Variants in CTNNA3 observed in about 807,000 individuals in gnomAD.
CTNNA3 encodes catenin alpha-3.
In CTNNA3, 76 loss-of-function variants were observed where a neutral mutation model predicts 95.7. The observed-to-expected ratio is 0.79, with a 90% CI of 0.66 to 0.96. CTNNA3 has a LOEUF of 0.96. Among genes scored for constraint, CTNNA3 ranks in the 40% least tolerant of loss-of-function variants. The pLI is 0.00. For synonymous variants in CTNNA3, 431 were observed against 374.4 expected (o/e 1.15, Z -1.74); for missense variants, 1,191 against 1,089.8 (o/e 1.09, Z -1.31).
chr10:67,442,093 G>C (rs1350040006), intron 5 of CTNNA3, among the ~76,000 whole-genome samples: 1 of 152,078 alleles, frequency 6.6e-6, no homozygotes, highest in Non-Finnish European at 1.5e-5. Context: ...AAAGTGTAGA[G>C]TTTTTATTAG....
intron 10 of CTNNA3, among the ~76,000 whole-genome samples, chr10:66,577,431 G>GT: frequency 6.6e-6 from 1 of 152,112 alleles, no homozygotes; most frequent in Non-Finnish European, 1.5e-5. Context: ...TATTTCCTAA[G>GT]TTTTCTTCTA....
At chr10:66,290,684 T>G (rs2091666503) in intron 12 of CTNNA3, among the ~76,000 whole-genome samples, 1 of 152,092 alleles carries the variant, frequency 6.6e-6, no homozygotes, top group Non-Finnish European at 1.5e-5. Flanking sequence ...GAGTTTTGAT[T>G]TGCACCTACC....
chr10:66,214,279 C>T (rs1293939281), intron 13 of CTNNA3, among the ~76,000 whole-genome samples: 1 of 152,162 alleles, frequency 6.6e-6, no homozygotes. Context: ...GCTTTTCCTT[C>T]ATACAAAATA....
At chr10:67,351,210 G>A (rs1331265603) in intron 5 of CTNNA3, among the ~76,000 whole-genome samples, 3 of 151,852 alleles carry the variant, frequency 2.0e-5, no homozygotes, top group Non-Finnish European at 4.4e-5. Flanking sequence ...GTATGGGGAA[G>A]ATTTGACTTC....
chr10:67,588,019 A>G (rs1842686775), intron 3 of CTNNA3, among the ~76,000 whole-genome samples: 1 of 151,878 alleles, frequency 6.6e-6, no homozygotes, highest in Admixed American at 6.6e-5. Context: ...TACATTTTCT[A>G]TTTCCATCAA....
At chr10:66,935,309 AAC>A (rs1746990733) in intron 7 of CTNNA3, among the ~76,000 whole-genome samples, 1 of 152,142 alleles carries the variant, frequency 6.6e-6, no homozygotes, top group African/African-American at 2.4e-5. Flanking sequence ...TCTAAGGTAC[AAC>A]AGTGAAAATA....
At chr10:65,982,629 G>A (rs1274320000) in intron 16 of CTNNA3, among the ~76,000 whole-genome samples, 3 of 150,496 alleles carry the variant, frequency 2.0e-5, no homozygotes, top group Non-Finnish European at 4.5e-5. Flanking sequence ...GAATGATAAA[G>A]AAAATGTTAT....
chr10:67,595,445 T>C (rs1402291032), intron 3 of CTNNA3, among the ~76,000 whole-genome samples: 1 of 152,238 alleles, frequency 6.6e-6, no homozygotes, highest in Non-Finnish European at 1.5e-5. Flanking sequence ...TGTATGGTTT[T>C]GAGAGACCAT....
intron 11 of CTNNA3, among the ~76,000 whole-genome samples, chr10:66,417,462 C>G (rs1302657043): frequency 6.6e-6 from 1 of 152,010 alleles, no homozygotes; most frequent in Non-Finnish European, 1.5e-5. Context: ...CAGCACTAGA[C>G]AGATCGTCTA....
rs1281150143 is a variant in CTNNA3 at position 67,268,491 on chromosome 10, G to C, written c.580-48621C>G. Among the ~76,000 whole-genome samples the C allele has an allele frequency of 2.6e-5, 4 of 152,024 alleles. No homozygotes were observed. The East Asian group carries it at 5.8e-4, about 22-fold the overall frequency. On this transcript the variant is annotated intron_variant, in intron 5 of 17. Transcript: ENST00000433211. ...AGCTATGATCACACCACTTCACTGG[G>C]CAACAAAGGGAGACCCAGCCTCTGA...
intron 13 of CTNNA3, 106 bp from the exon 14 acceptor site, chr10:66,103,355 A>G: frequency 1.2e-6 from 1 of 819,792 alleles, no homozygotes; most frequent in Non-Finnish European, 2.0e-6. Flanking sequence ...TTACCATATG[A>G]CCCAGCAATT....
intron 13 of CTNNA3, among the ~76,000 whole-genome samples, chr10:66,121,740 CT>C (rs2082587418): frequency 6.6e-6 from 1 of 152,036 alleles, no homozygotes; most frequent in Non-Finnish European, 1.5e-5. Flanking sequence ...ACTTGTGAGG[CT>C]GAGTTGGATA....
intron 5 of CTNNA3, among the ~76,000 whole-genome samples, chr10:67,357,103 T>A (rs1842838269): frequency 6.6e-6 from 1 of 152,050 alleles, no homozygotes; most frequent in Admixed American, 6.6e-5. Flanking sequence ...CACCACCATA[T>A]CTAGCAGCCT....
At chr10:66,891,716 A>G (rs1444504118) in intron 7 of CTNNA3, among the ~76,000 whole-genome samples, 1 of 152,188 alleles carries the variant, frequency 6.6e-6, no homozygotes, top group Non-Finnish European at 1.5e-5. Flanking sequence ...AGAGAATGAG[A>G]GAGACTTTTT....
Position 66,558,267 on chromosome 10 carries a change from C to T in CTNNA3, c.1375-37494G>A, listed in dbSNP as rs920903399. The stretch of plus-strand genomic sequence containing the variant: ...TTGTAAGAGCCATCTCTCCGGTTGC[C>T]AACTCCAATCTTTTACAAAAAGCTG... On this transcript the variant is annotated intron_variant, in intron 10 of 17. Transcript: ENST00000433211. Among the ~76,000 whole-genome samples, 3 of 152,102 alleles carry T rather than the reference C, an allele frequency of 2.0e-5. No individual in the cohort carries two copies. In the East Asian group the frequency reaches 5.8e-4, roughly 29 times the overall value.
At chr10:66,872,570 G>A (rs912499215) in intron 7 of CTNNA3, among the ~76,000 whole-genome samples, 21 of 152,088 alleles carry the variant, frequency 1.4e-4, no homozygotes, top group African/African-American at 4.8e-4. Context: ...TCAGGAGGCT[G>A]AGGCAGGAGA....
intron 14 of CTNNA3, among the ~76,000 whole-genome samples, chr10:66,095,076 A>G (rs796319348): frequency 5.3e-5 from 8 of 152,206 alleles, no homozygotes; most frequent in African/African-American, 1.9e-4. Flanking sequence ...TTTCAAGGAG[A>G]GGAAATTTGT....
At position 65,916,122 on chromosome 10, in the gene CTNNA3, T is replaced by G. The variant is rs540412333; in HGVS notation, c.*4208A>C. The G allele has an allele frequency of 6.6e-6, 1 of 151,982 alleles. No homozygotes were observed. The highest frequency in any genetic ancestry group is 2.1e-4 in the South Asian group (1 of 4,820). The allele number at this position is 151,982 out of a possible 1,614,324, so 9.4% of individuals were successfully genotyped here. On this transcript the variant is annotated 3_prime_UTR_variant, in exon 18 of 18. Coordinates refer to ENST00000433211, the MANE Select transcript of CTNNA3 (RefSeq NM_013266.4). ...TCATAATGGTATGGGAAAAGAGTCATAAAGAAAAAAATGGAATTTTCATAT... is the reference window on the plus strand; with the variant it reads ...TCATAATGGTATGGGAAAAGAGTCAGAAAGAAAAAAATGGAATTTTCATAT...
At chr10:66,361,347 CTTCT>C (rs1287909709) in intron 12 of CTNNA3, among the ~76,000 whole-genome samples, 6 of 125,520 alleles carry the variant, frequency 4.8e-5, no homozygotes, top group South Asian at 3.1e-4. Flanking sequence ...CCCTCCTTTC[CTTCT>C]TTCTTTCTTT....
Sources: gnomAD v4.1 joint callset for allele counts (sites outside exome capture counted in the v4.1 genomes callset) on GRCh38, gnomAD v4.1.1 for gene constraint, MANE v1.5 for transcripts, NCBI Gene and HGNC (gene_info 2026-07-23, HGNC 2026-07-21) for gene names.